The following PIK3C2G variants were observed in gnomAD, a reference collection of about 807,000 sequenced individuals.
PIK3C2G encodes phosphatidylinositol-4-phosphate 3-kinase catalytic subunit type 2 gamma, also known as phosphatidylinositol 3-kinase C2 domain-containing subunit gamma.
In PIK3C2G, 168 loss-of-function variants were observed where a neutral mutation model predicts 181.1. The ratio of observed to expected loss-of-function variants is 0.93; its 90% confidence interval spans 0.82 to 1.05. The LOEUF (loss-of-function observed/expected upper bound fraction) is 1.05. Ranked by LOEUF, PIK3C2G falls within the 50% of genes least tolerant of loss-of-function variation. PIK3C2G has a pLI of 0.00. For synonymous variants in PIK3C2G, 573 were observed against 592.2 expected (o/e 0.97, Z 0.47); for missense variants, 1,869 against 1,732.8 (o/e 1.08, Z -1.40).
intron 32 of PIK3C2G, among the ~76,000 whole-genome samples, chr12:18,641,638 T>A (rs894448267): frequency 1.8e-4 from 28 of 151,998 alleles, no homozygotes; most frequent in Non-Finnish European, 3.1e-4. Context: ...CCTCTTCCTG[T>A]ACATACTCTC....
At chr12:18,667,545 C>CT in the PIK3C2G span, among the ~76,000 whole-genome samples, 4 of 152,070 alleles carry the variant, frequency 2.6e-5, no homozygotes, top group South Asian at 8.3e-4. Flanking sequence ...ATATTTAAGA[C>CT]TTTTTTTCTT....
At chr12:18,461,520 C>T (rs1947917859) in intron 18 of PIK3C2G, among the ~76,000 whole-genome samples, 1 of 152,132 alleles carries the variant, frequency 6.6e-6, no homozygotes, top group Admixed American at 6.5e-5. Context: ...TCTACATTGC[C>T]AAATTGCCTT....
intron 11 of PIK3C2G, among the ~76,000 whole-genome samples, chr12:18,347,804 TGAGACTCTGTC>T (rs1484045977): frequency 4.0e-5 from 6 of 151,126 alleles, no homozygotes; most frequent in African/African-American, 1.5e-4. Context: ...GGGGACAGAG[TGAGACTCTGTC>T]TCAAAAAAAA....
At chr12:18,491,312 C>A in intron 19 of PIK3C2G, 139 bp from the exon 20 acceptor site, 1 of 585,840 alleles carries the variant, frequency 1.7e-6, no homozygotes, top group South Asian at 2.1e-5. Context: ...GAATACATCA[C>A]CTGCCTGACC....
At chr12:18,406,709 G>C (rs146089095) in intron 16 of PIK3C2G, among the ~76,000 whole-genome samples, 4 of 152,264 alleles carry the variant, frequency 2.6e-5, no homozygotes, top group Admixed American at 2.6e-4. Context: ...TGGAACACAA[G>C]TGCAAGCAAG....
chr12:18,260,718 C>T (rs556447449), upstream of PIK3C2G, among the ~76,000 whole-genome samples: 11 of 152,118 alleles, frequency 7.2e-5, 1 homozygote, highest in East Asian at 7.7e-4. Flanking sequence ...AAGGATCCTA[C>T]GACATATTTT....
chr12:18,605,847 G>A (rs1947986184), intron 30 of PIK3C2G, among the ~76,000 whole-genome samples: 1 of 152,032 alleles, frequency 6.6e-6, no homozygotes, highest in Non-Finnish European at 1.5e-5. Flanking sequence ...TTATAAACCA[G>A]GCGCTTATAA....
At chr12:18,726,202 C>T in the PIK3C2G span, among the ~76,000 whole-genome samples, 6 of 152,218 alleles carry the variant, frequency 3.9e-5, no homozygotes, top group South Asian at 1.2e-3. Flanking sequence ...TTTAAAAATG[C>T]ATATCCCAGA....
At chr12:18,469,994 T>G (rs1333068286) in intron 18 of PIK3C2G, among the ~76,000 whole-genome samples, 1 of 151,840 alleles carries the variant, frequency 6.6e-6, no homozygotes, top group African/African-American at 2.4e-5. Context: ...TAGAGTCATA[T>G]CTAAAGTTTA....
intron 29 of PIK3C2G, among the ~76,000 whole-genome samples, chr12:18,569,479 G>A (rs1415221927): frequency 6.6e-6 from 1 of 152,042 alleles, no homozygotes; most frequent in African/African-American, 2.4e-5. Flanking sequence ...TTTTATTGTT[G>A]TATAATATTT....
the PIK3C2G span, among the ~76,000 whole-genome samples, chr12:18,659,663 C>CTTTTTTTTTTTTTTTTTTTT: frequency 5.2e-5 from 7 of 133,786 alleles, no homozygotes; most frequent in South Asian, 2.4e-4. Context: ...GTTCTCCATT[C>CTTTTTTTTTTTTTTTTTTTT]TTTTTTTTTT....
At chr12:18,713,088 C>A in the PIK3C2G span, 3 of 1,422,888 alleles carry the variant, frequency 2.1e-6, no homozygotes, top group Non-Finnish European at 2.9e-6. Flanking sequence ...ATAATAAATG[C>A]ATAAATGAGT....
chr12:18,723,891 G>A, the PIK3C2G span, among the ~76,000 whole-genome samples: 1 of 152,004 alleles, frequency 6.6e-6, no homozygotes. Flanking sequence ...CCACTGGTGT[G>A]CAGCCTGGAC....
chr12:18,341,170 A>T (rs1174121331), intron 9 of PIK3C2G, among the ~76,000 whole-genome samples: 2 of 152,222 alleles, frequency 1.3e-5, no homozygotes, highest in African/African-American at 4.8e-5. Context: ...GGTTATAAAA[A>T]GTTTTATCTT....
chr12:18,715,706 AC>A, the PIK3C2G span: 1 of 152,166 alleles, frequency 6.6e-6, no homozygotes, highest in African/African-American at 2.4e-5. Flanking sequence ...TGTCACCCAC[AC>A]TAAAGTGCAG....
the PIK3C2G span, chr12:18,701,694 C>G: frequency 6.2e-7 from 1 of 1,612,150 alleles, no homozygotes; most frequent in Non-Finnish European, 8.5e-7. Context: ...CACCTTACCA[C>G]GCTTATCAGA....
chr12:18,432,655 C>A (rs1325180803), intron 18 of PIK3C2G, among the ~76,000 whole-genome samples: 3 of 152,128 alleles, frequency 2.0e-5, no homozygotes, highest in African/African-American at 7.2e-5. Flanking sequence ...AGAAATTATT[C>A]TTGTCTTCTA....
At chr12:18,553,413 G>A (rs1014425941) in intron 26 of PIK3C2G, among the ~76,000 whole-genome samples, 4 of 151,992 alleles carry the variant, frequency 2.6e-5, no homozygotes, top group Admixed American at 2.6e-4. Context: ...CCTTGATTCA[G>A]TTTGTTCTGA....
chr12:18,316,083 C>T (rs1950848732), intron 6 of PIK3C2G, among the ~76,000 whole-genome samples: 1 of 151,522 alleles, frequency 6.6e-6, no homozygotes, highest in African/African-American at 2.4e-5. Flanking sequence ...TGACAGTAAC[C>T]CAAGAGCAAA....
Sources: allele counts gnomAD v4.1 joint callset (sites outside exome capture counted in the v4.1 genomes callset), GRCh38; gene constraint gnomAD v4.1.1; transcripts MANE v1.5; gene names NCBI Gene and HGNC (gene_info 2026-07-23, HGNC 2026-07-21).